The following PML variants were observed in gnomAD, a reference collection of about 807,000 sequenced individuals.
PML encodes PML nuclear body scaffold.
Under a neutral mutation model 65.2 loss-of-function variants are expected in PML, and 28 were observed. The observed-to-expected ratio is 0.43, with a 90% CI of 0.32 to 0.59. The LOEUF (loss-of-function observed/expected upper bound fraction) is 0.59, where lower values mean the gene tolerates loss of function less well. PML is among the 20% of genes least tolerant of loss of function. The probability of loss-of-function intolerance (pLI) is 0.08; values close to 1 mark genes in which losing one functional copy is unlikely to be tolerated. For missense variants in PML, 1,021 were observed against 1,203.4 expected, an observed-to-expected ratio of 0.85 and a Z score of 2.24; for synonymous variants, 500 against 508.8, an observed-to-expected ratio of 0.98 and a Z score of 0.23.
At chr15:74,025,085 T>C (rs957889553) in intron 4 of PML, 158 bp downstream of exon 4, 2 of 650,534 alleles carry the variant, frequency 3.1e-6, no homozygotes, top group Non-Finnish European at 2.8e-6. Flanking sequence ...AAGGAAGACA[T>C]TAAAGAAGGG....
chr15:74,036,470 C>T, intron 7 of PML: 1 of 1,241,898 alleles, frequency 8.1e-7, no homozygotes, highest in South Asian at 1.7e-5. Flanking sequence ...GTTCTCTCTT[C>T]CCTATGCTGG....
At position 74,033,402 on chromosome 15, in the gene PML, G is replaced by A. The variant is rs11855663; in HGVS notation, c.1645G>A (p.Ala549Thr). ...CAACAGCAACCACGTGGCCAGTGGCGCCGGGGAGGCAGGTAGGGAGGTGGG... is the reference window on the plus strand; with the variant it reads ...CAACAGCAACCACGTGGCCAGTGGCACCGGGGAGGCAGGTAGGGAGGTGGG... ...LPNSNHVASG[A>T]GEAEERVVVI... The change falls in exon 6 of 9, where the codon GCC becomes ACC. Residue 549 changes from alanine (A) to threonine (T), a missense_variant. Ala to Thr is a moderately conservative substitution (Grantham distance 58). Coordinates refer to ENST00000268058, the MANE Select transcript of PML (RefSeq NM_033238.3). The A allele has an allele frequency of 8.3e-4, 1,341 of 1,612,260 alleles. 7 individuals carry two copies. In the African/African-American group the frequency reaches 0.016, roughly 19 times the overall value.
At chr15:74,036,488 T>C (rs2071564796) in intron 7 of PML, 1 of 1,212,086 alleles carries the variant, frequency 8.3e-7, no homozygotes. Context: ...TGGAACTCAG[T>C]TCTCCTCTGG....
In PML at chr15:74,012,605, CA is replaced by C. The variant is rs2070385031; in HGVS notation, c.603-10222del. Among the ~76,000 whole-genome samples, 6 of 152,212 alleles carry C rather than the reference CA, an allele frequency of 3.9e-5. 1 individual carries two copies. Among genetic ancestry groups the C allele is most frequent in the Non-Finnish European group, 8.8e-5 (6 of 68,042 alleles). ...GATTACAGGCAGAAGCCACCATGCCCAGCCCCATATCGTTTGTTTTTAATGA... is the reference window on the plus strand; with the variant it reads ...GATTACAGGCAGAAGCCACCATGCCCGCCCCATATCGTTTGTTTTTAATGA... On this transcript the variant is annotated intron_variant, in intron 2 of 8. Transcript: ENST00000268058.
At chr15:74,031,400 A>C (rs1302196081) in intron 4 of PML, 1 of 308,874 alleles carries the variant, frequency 3.2e-6, no homozygotes, top group Non-Finnish European at 6.4e-6. Context: ...CAGCCTCCCA[A>C]GTAGCTGGGA....
In PML at chr15:74,022,975, G is replaced by A. The variant is rs773561754; in HGVS notation, c.750G>A (p.Gln250=). The A allele has an allele frequency of 2.5e-6, 4 of 1,610,474 alleles. No individual in the cohort carries two copies. Among genetic ancestry groups the A allele is most frequent in the Admixed American group, 1.7e-5 (1 of 59,518 alleles). ...LDAMTQALQE[Q]DSAFGAVHAQ... ...CCATGACGCAGGCGCTGCAGGAGCA[G>A]GATAGTGCCTTTGGCGCGGTTCACG... The change falls in exon 3 of 9, where the codon CAG becomes CAA. Residue 250 remains glutamine (Q), a synonymous_variant. Coordinates refer to ENST00000268058, the MANE Select transcript of PML (RefSeq NM_033238.3).
chr15:74,045,602 C>A lies in PML; in HGVS notation c.*594C>A. The A allele has an allele frequency of 4.3e-6, 1 of 233,840 alleles. No individual in the cohort carries two copies. Among genetic ancestry groups the A allele is most frequent in the Non-Finnish European group, 8.4e-6 (1 of 118,476 alleles). 14.5% of individuals were successfully genotyped at this position (233,840 alleles called of 1,614,324 possible). ...ATCAGCAAAGACAGAAACTGATGTT[C>A]CATGCATGTCCCTGCTTCCAAAGCC... On this transcript the variant is annotated 3_prime_UTR_variant, in exon 9 of 9. Transcript: ENST00000268058.
At chr15:74,018,188 T>G (rs1406469064) in intron 2 of PML, among the ~76,000 whole-genome samples, 1 of 151,884 alleles carries the variant, frequency 6.6e-6, no homozygotes, top group Non-Finnish European at 1.5e-5. Flanking sequence ...CCAGGCATGG[T>G]GGCTCACACC....
intron 2 of PML, among the ~76,000 whole-genome samples, chr15:74,021,800 CA>C (rs1269047854): frequency 6.6e-6 from 1 of 152,022 alleles, no homozygotes; most frequent in African/African-American, 2.4e-5. Flanking sequence ...ACCTGAATGC[CA>C]GCAAAACGAC....
chr15:74,034,187 G>GT, intron 6 of PML: 2 of 497,748 alleles, frequency 4.0e-6, no homozygotes, highest in South Asian at 4.1e-5. Context: ...CCAGGTAGCA[G>GT]TTGTCAGGCC....
In PML at chr15:74,043,017, G is replaced by C; in HGVS notation, c.1739G>C (p.Ser580Thr). 1.2e-6 allele frequency: 2 copies of C among 1,613,652 alleles called. No individual in the cohort carries two copies. Among genetic ancestry groups the C allele is most frequent in the Non-Finnish European group, 1.7e-6 (2 of 1,179,950 alleles). The change falls in exon 8 of 9, where the codon AGT (serine) becomes ACT (threonine). Residue 580 changes from serine (S) to threonine (T), a missense_variant. By Grantham distance (58) the Ser-to-Thr change is moderately conservative. Coordinates refer to ENST00000268058, the MANE Select transcript of PML (RefSeq NM_033238.3). This position sits in a 1 kb window ranked among gnomAD's most constrained non-coding sequence, Gnocchi z 4.3. Reference sequence around the variant, plus strand: ...TCCCGAGAGCTGGATGACAGCAGCAGTGAGTCCAGTGACCTCCAGCTGGAA... The same window carrying C: ...TCCCGAGAGCTGGATGACAGCAGCACTGAGTCCAGTGACCTCCAGCTGGAA... ...SSSRELDDSS[S>T]ESSDLQLEGP...
intron 2 of PML, among the ~76,000 whole-genome samples, chr15:73,999,418 T>C (rs1188446853): frequency 6.6e-6 from 1 of 152,216 alleles, no homozygotes; most frequent in Non-Finnish European, 1.5e-5. Context: ...CTGAACTACA[T>C]ATCTGCTAAA....
chr15:74,010,487 A>G (rs2070280904), intron 2 of PML, among the ~76,000 whole-genome samples: 1 of 149,158 alleles, frequency 6.7e-6, no homozygotes, highest in Non-Finnish European at 1.5e-5. Flanking sequence ...ATTGCACTCC[A>G]GCCTGGGCAA....
chr15:74,032,460 C>G, intron 4 of PML, 112 bp from the exon 5 acceptor site: 1 of 1,139,026 alleles, frequency 8.8e-7, no homozygotes. Context: ...GTCAGGGAGC[C>G]TGGACCTGTG....
At chr15:74,017,563 C>T (rs1025227180) in intron 2 of PML, among the ~76,000 whole-genome samples, 11 of 152,034 alleles carry the variant, frequency 7.2e-5, no homozygotes, top group African/African-American at 2.4e-4. Flanking sequence ...GCAGGAGAAT[C>T]GCTTGAACCC....
intron 2 of PML, among the ~76,000 whole-genome samples, chr15:74,002,444 C>CTTTTTTTT (rs71137368): frequency 2.5e-4 from 26 of 104,742 alleles, no homozygotes; most frequent in Non-Finnish European, 3.3e-4. Context: ...TCTTTCTTTT[C>CTTTTTTTT]TTTTTTTTTT....
chr15:74,039,000 C>T (rs954820703), intron 7 of PML, among the ~76,000 whole-genome samples: 1 of 152,236 alleles, frequency 6.6e-6, no homozygotes, highest in African/African-American at 2.4e-5. Context: ...TGCGCCTGCC[C>T]TGGGGCCCCT....
intron 2 of PML, among the ~76,000 whole-genome samples, chr15:74,021,772 A>G (rs1201871614): frequency 6.6e-6 from 1 of 152,030 alleles, no homozygotes; most frequent in Non-Finnish European, 1.5e-5. Flanking sequence ...AAGAAAGAAA[A>G]TGCACAAACA....
At chr15:74,034,424 C>T (rs2071451121) in intron 6 of PML, 54 bp from the exon 7 acceptor site, 3 of 1,613,700 alleles carry the variant, frequency 1.9e-6, no homozygotes, top group East Asian at 2.2e-5. Context: ...ACCCACACCC[C>T]TCCCAGCATG....
Sources: allele counts gnomAD v4.1 joint callset (sites outside exome capture counted in the v4.1 genomes callset), GRCh38; gene constraint gnomAD v4.1.1; non-coding constraint Gnocchi (gnomAD v3.1); transcripts MANE v1.5; gene names NCBI Gene and HGNC (gene_info 2026-07-23, HGNC 2026-07-21).